Variants in CHEK1 observed in about 807,000 individuals in gnomAD.
CHEK1 encodes serine/threonine-protein kinase Chk1.
Under a neutral mutation model 60.2 loss-of-function variants are expected in CHEK1, and 32 were observed. That is an observed-to-expected ratio of 0.53 (90% CI 0.40 to 0.71). The LOEUF is 0.71. Ranked by LOEUF, CHEK1 falls within the 30% of genes least tolerant of loss-of-function variation. CHEK1 has a pLI of 0.00. For missense variants in CHEK1, 399 were observed against 564.6 expected (o/e 0.71, Z 2.97); for synonymous variants, 179 against 187.2 (o/e 0.96, Z 0.36).
rs554993308 is a variant in CHEK1 at position 125,640,534 on chromosome 11, C to T, written c.814+2990C>T. ...TCCAGCCTGGGCAACAGCGAGACTC[C>T]GTCTCAAAAAAAAAAAAAAAGAAAT... On this transcript the variant is annotated intron_variant, in intron 8 of 12. Transcript: ENST00000438015. Among the ~76,000 whole-genome samples the T allele has an allele frequency of 2.0e-3, 293 of 143,044 alleles. 5 individuals carry two copies. In the Middle Eastern group the frequency reaches 0.032, roughly 16 times the overall value. 93.8% of individuals were successfully genotyped at this position (143,044 alleles called of 152,430 possible).
At chr11:125,644,684 G>T in intron 11 of CHEK1, 41 bp downstream of exon 11, 1 of 1,590,254 alleles carries the variant, frequency 6.3e-7, no homozygotes, top group Non-Finnish European at 8.6e-7. Flanking sequence ...TCCTGAAGAA[G>T]AATTTAAATA....
rs1355494579 is a variant in CHEK1 at position 125,643,836 on chromosome 11, C to T, written c.859C>T (p.Pro287Ser). Residue 287 changes from proline (P) to serine (S), a missense_variant, in exon 9 of 13, where the codon CCC (proline) becomes TCC (serine). Pro to Ser is a moderately conservative substitution (Grantham distance 74). Coordinates refer to ENST00000438015, the MANE Select transcript of CHEK1 (RefSeq NM_001114122.3). ...RVTSGGVSES[P>S]SGFSKHIQSN... is the part of the protein sequence containing the mutation. ...CACTTCAGGTGGTGTGTCAGAGTCT[C>T]CCAGTGGATTTTCTAAGCACATTCA... 6.2e-7 allele frequency: 1 copy of T among 1,613,978 alleles called. No homozygotes were observed. Among genetic ancestry groups the T allele is most frequent in the African/African-American group, 1.3e-5 (1 of 74,906 alleles).
At chr11:125,679,791 C>A (rs941158736), downstream of CHEK1, among the ~76,000 whole-genome samples, 3 of 152,168 alleles carry the variant, frequency 2.0e-5, no homozygotes, top group East Asian at 1.9e-4. Flanking sequence ...GCAGTACTTA[C>A]AATCAGTGAC....
downstream of CHEK1, among the ~76,000 whole-genome samples, chr11:125,679,088 G>T (rs1005835460): frequency 4.7e-5 from 7 of 148,058 alleles, no homozygotes; most frequent in African/African-American, 1.5e-4. Flanking sequence ...AAGATAAATT[G>T]TGAAGTGCAC....
intron 13 of CHEK1, among the ~76,000 whole-genome samples, chr11:125,662,329 T>A (rs1160048042): frequency 6.6e-6 from 1 of 152,198 alleles, no homozygotes; most frequent in Non-Finnish European, 1.5e-5. Flanking sequence ...GCCTCTTTTT[T>A]AAGGGCACTA....
downstream of CHEK1, chr11:125,677,765 C>G (rs7949943): frequency 0.15 from 243,062 of 1,607,132 alleles, 18,736 homozygotes; most frequent in East Asian, 0.18. Flanking sequence ...CACCTGAAGT[C>G]AATGACTGGC....
chr11:125,666,232 A>C (rs11220178), intron 13 of CHEK1, among the ~76,000 whole-genome samples: 23,563 of 151,116 alleles, frequency 0.16, 1,841 homozygotes, highest in East Asian at 0.2. Flanking sequence ...TTTTAATTTT[A>C]CTTCTAATTT....
intron 12 of CHEK1, among the ~76,000 whole-genome samples, chr11:125,654,695 T>C (rs944108640): frequency 6.6e-6 from 1 of 152,186 alleles, no homozygotes; most frequent in Admixed American, 6.5e-5. Flanking sequence ...TAAAGAGGGT[T>C]GGAGGGGTAG....
Position 125,625,970 on chromosome 11 carries a change from C to A in CHEK1, c.-63C>A. Reference sequence around the variant, plus strand: ...CGCCCTCAAGTTTTGGCGGGAAAAGCGCTGCATTTGGATTCCTGCAGTGGT... The same window carrying A: ...CGCCCTCAAGTTTTGGCGGGAAAAGAGCTGCATTTGGATTCCTGCAGTGGT... On this transcript the variant is annotated 5_prime_UTR_variant, in exon 1 of 13. Transcript: ENST00000438015. 1 of 702,580 alleles carries A rather than the reference C, an allele frequency of 1.4e-6. No homozygotes were observed. The highest frequency in any genetic ancestry group is 2.6e-6 in the Non-Finnish European group (1 of 384,984). The allele number at this position is 702,580 out of a possible 1,614,324, so 43.5% of individuals were successfully genotyped here.
chr11:125,648,811 A>G lies in CHEK1; in HGVS notation c.1233+4168A>G, dbSNP rs372928999. ...TGTTAGCTGTGGGGTTTTTGTTTTTATGGTGAAAGAGTATTGGATTTTGTC... is the reference window on the plus strand; with the variant it reads ...TGTTAGCTGTGGGGTTTTTGTTTTTGTGGTGAAAGAGTATTGGATTTTGTC... On this transcript the variant is annotated intron_variant, in intron 11 of 12. Transcript: ENST00000438015. 3.9e-5 allele frequency among the ~76,000 whole-genome samples: 6 copies of G among 152,036 alleles called. No individual in the cohort carries two copies. In the East Asian group the frequency reaches 7.7e-4, roughly 20 times the overall value.
intron 13 of CHEK1, among the ~76,000 whole-genome samples, chr11:125,667,395 A>T (rs1433489125): frequency 2.0e-5 from 3 of 152,084 alleles, no homozygotes; most frequent in Admixed American, 6.6e-5. Flanking sequence ...ATTGTAAATG[A>T]GATTGTGCTC....
intron 13 of CHEK1, among the ~76,000 whole-genome samples, chr11:125,673,118 G>T (rs759818579): frequency 6.6e-6 from 1 of 151,904 alleles, no homozygotes; most frequent in East Asian, 1.9e-4. Flanking sequence ...AAGTCATAGA[G>T]ATCTACTCAT....
At chr11:125,652,315 C>T (rs1038016743) in intron 11 of CHEK1, among the ~76,000 whole-genome samples, 3 of 152,114 alleles carry the variant, frequency 2.0e-5, no homozygotes, top group African/African-American at 7.2e-5. Flanking sequence ...CTAGGCTGAG[C>T]GTCTTTCCAT....
downstream of CHEK1, chr11:125,680,599 G>C: frequency 2.5e-6 from 2 of 802,336 alleles, no homozygotes; most frequent in Non-Finnish European, 4.1e-6. Flanking sequence ...AGTTGGACTT[G>C]TTTAGCTGCT....
At position 125,637,468 on chromosome 11, in the gene CHEK1, A is replaced by G. The variant is rs770782396; in HGVS notation, c.738A>G (p.Leu246=). 4 of 1,606,112 alleles carry G rather than the reference A, an allele frequency of 2.5e-6. No homozygotes were observed. The Admixed American group carries it at 5.1e-5, about 20-fold the overall frequency. ...TTTTAGCTCTGCTGCATAAAATCTT[A>G]GTTGAGAATCCATCAGCAAGAATTA... is the stretch of plus-strand genomic sequence containing the variant. The part of the protein sequence containing the change: ...SAPLALLHKI[L]VENPSARITI... The change falls in exon 8 of 13, where the codon TTA becomes TTG. Residue 246 remains leucine, a synonymous_variant. Coordinates refer to ENST00000438015, the MANE Select transcript of CHEK1 (RefSeq NM_001114122.3).
In CHEK1 at chr11:125,644,217, T is replaced by C. The variant is rs769316145; in HGVS notation, c.1050T>C (p.Pro350=). 2 of 1,614,190 alleles carry C rather than the reference T, an allele frequency of 1.2e-6. No homozygotes were observed. Among genetic ancestry groups the C allele is most frequent in the Admixed American group, 1.7e-5 (1 of 60,026 alleles). ...TCAGCTTTTCCCAGCCCACATGTCC[T>C]GATCATATGCTTTTGAATAGTCAGT... ...QGISFSQPTC[P]DHMLLNSQLL... The change falls in exon 10 of 13, where the codon CCT becomes CCC. Residue 350 remains proline, a synonymous_variant. Transcript: ENST00000438015.
At chr11:125,660,062 G>A (rs912532885), downstream of CHEK1, among the ~76,000 whole-genome samples, 13 of 152,162 alleles carry the variant, frequency 8.5e-5, no homozygotes, top group African/African-American at 3.1e-4. Context: ...GTGCGTGTGT[G>A]TGTGTATTGT....
At chr11:125,626,403 C>T (rs1443810203) in intron 1 of CHEK1, 2 of 427,902 alleles carry the variant, frequency 4.7e-6, no homozygotes, top group East Asian at 3.8e-5. Flanking sequence ...ATATCCTCTT[C>T]CTCTCTTCCC....
Position 125,625,979 on chromosome 11 carries a change from T to C in CHEK1, c.-54T>C. ...GTTTTGGCGGGAAAAGCGCTGCATT[T>C]GGATTCCTGCAGTGGTGGGCAAAGG... On this transcript the variant is annotated 5_prime_UTR_variant, in exon 1 of 13. Coordinates refer to ENST00000438015, the MANE Select transcript of CHEK1 (RefSeq NM_001114122.3). The C allele has an allele frequency of 1.4e-6, 1 of 702,576 alleles. No homozygotes were observed. The allele number at this position is 702,576 out of a possible 1,614,324, so 43.5% of individuals were successfully genotyped here.
Sources: allele counts gnomAD v4.1 joint callset (sites outside exome capture counted in the v4.1 genomes callset), GRCh38; gene constraint gnomAD v4.1.1; transcripts MANE v1.5; gene names NCBI Gene and HGNC (gene_info 2026-07-23, HGNC 2026-07-21).